The following SMYD3 variants were observed in gnomAD, a reference collection of about 807,000 sequenced individuals.
SMYD3 encodes the protein histone-lysine N-methyltransferase SMYD3.
Under a neutral mutation model 57.7 loss-of-function variants are expected in SMYD3, and 36 were observed. The ratio of observed to expected loss-of-function variants is 0.62; its 90% CI spans 0.48 to 0.82. The LOEUF is 0.82. Among genes scored for constraint, SMYD3 ranks in the 40% least tolerant of loss-of-function variants. SMYD3 has a pLI of 0.00. For synonymous variants in SMYD3, 211 were observed against 195.0 expected, an observed-to-expected ratio of 1.08 and a Z score of -0.68; for missense variants, 515 against 538.8, an observed-to-expected ratio of 0.96 and a Z score of 0.44.
intron 5 of SMYD3, among the ~76,000 whole-genome samples, chr1:245,960,506 G>A (rs1293297901): frequency 6.6e-6 from 1 of 152,176 alleles, no homozygotes; most frequent in African/African-American, 2.4e-5. Flanking sequence ...TGTAATCCCA[G>A]CACTTAGAAG....
chr1:246,466,872 T>A (rs937953072), intron 1 of SMYD3, among the ~76,000 whole-genome samples: 10 of 150,874 alleles, frequency 6.6e-5, no homozygotes, highest in Admixed American at 2.0e-4. Context: ...TTTTTAAAAT[T>A]TTTTTTTTAA....
chr1:246,102,494 A>C (rs76066595), intron 5 of SMYD3, among the ~76,000 whole-genome samples: 4,929 of 152,012 alleles, frequency 0.032, 281 homozygotes, highest in African/African-American at 0.11. Flanking sequence ...ACAAATTCTC[A>C]CATGCCATAT....
chr1:246,160,833 C>A (rs367845537), intron 5 of SMYD3, among the ~76,000 whole-genome samples: 2 of 152,116 alleles, frequency 1.3e-5, no homozygotes, highest in East Asian at 3.8e-4. Context: ...CAGATCACAT[C>A]CAGGATAAAC....
chr1:245,813,860 C>CTATATA (rs6143718), intron 10 of SMYD3, among the ~76,000 whole-genome samples: 50 of 146,992 alleles, frequency 3.4e-4, no homozygotes, highest in African/African-American at 1.2e-3. Context: ...TCATGGAGCC[C>CTATATA]TATATATATA....
chr1:246,101,857 C>T (rs1397791596), intron 5 of SMYD3, among the ~76,000 whole-genome samples: 1 of 152,224 alleles, frequency 6.6e-6, no homozygotes, highest in Non-Finnish European at 1.5e-5. Context: ...CTGAAAGCAG[C>T]CCAATCTCCT....
chr1:245,894,412 C>A (rs1428772440), intron 8 of SMYD3, among the ~76,000 whole-genome samples: 5 of 152,084 alleles, frequency 3.3e-5, no homozygotes, highest in African/African-American at 1.2e-4. Flanking sequence ...CAGCGGAAAC[C>A]CGCTCAGGTC....
chr1:245,947,639 G>A (rs1040352370), intron 5 of SMYD3, among the ~76,000 whole-genome samples: 2 of 152,186 alleles, frequency 1.3e-5, no homozygotes, highest in African/African-American at 2.4e-5. Flanking sequence ...AGGATTAAAT[G>A]AGAAAATACA....
At chr1:246,292,568 G>A (rs1463900467) in intron 5 of SMYD3, among the ~76,000 whole-genome samples, 6 of 152,158 alleles carry the variant, frequency 3.9e-5, no homozygotes, top group Non-Finnish European at 8.8e-5. Flanking sequence ...ATCACTATAT[G>A]GATAAATATA....
At position 246,010,072 on chromosome 1, in the gene SMYD3, C is replaced by T. The variant is rs543777620; in HGVS notation, c.532-80135G>A. ...CGCCACTGCACTCCAGCCTGTGCAA[C>T]AGAGCAAGACTCCATCTCAAAAAAC... On this transcript the variant is annotated intron_variant, in intron 5 of 11. Coordinates refer to ENST00000490107, the MANE Select transcript of SMYD3 (RefSeq NM_001167740.2). 3.6e-5 allele frequency among the ~76,000 whole-genome samples: 5 copies of T among 140,448 alleles called. No homozygotes were observed. The South Asian group carries it at 1.3e-3, about 35-fold the overall frequency. The allele number at this position is 140,448 out of a possible 152,430, so 92.1% of individuals were successfully genotyped here. A position where few individuals can be genotyped will look rare whatever the true frequency, so the allele number is the denominator to read the frequency against.
In SMYD3 at chr1:246,082,397, C is replaced by T. The variant is rs183323616; in HGVS notation, c.532-152460G>A. Among the ~76,000 whole-genome samples, 117 of 152,260 alleles carry T rather than the reference C, an allele frequency of 7.7e-4. 1 individual carries two copies. Among genetic ancestry groups the T allele is most frequent in the Non-Finnish European group, 1.6e-3 (109 of 68,028 alleles). On this transcript the variant is annotated intron_variant, in intron 5 of 11. Transcript: ENST00000490107. ...GACGTTAGCATGCTGGCAACCAACT[C>T]ACCCCCCTGGACCTGTGACTTATGA...
At chr1:245,913,954 C>A (rs576955485) in intron 8 of SMYD3, among the ~76,000 whole-genome samples, 1 of 151,560 alleles carries the variant, frequency 6.6e-6, no homozygotes, top group South Asian at 2.1e-4. Context: ...TCAAAAAGAC[C>A]AAAAAAAATA....
chr1:246,250,957 T>A (rs1371467037), intron 5 of SMYD3, among the ~76,000 whole-genome samples: 7 of 152,340 alleles, frequency 4.6e-5, no homozygotes, highest in Non-Finnish European at 7.3e-5. Context: ...CAGATGCTAT[T>A]TTTTCTGTAA....
chr1:246,243,167 A>G (rs2063644434), intron 5 of SMYD3, among the ~76,000 whole-genome samples: 1 of 152,110 alleles, frequency 6.6e-6, no homozygotes, highest in Non-Finnish European at 1.5e-5. Flanking sequence ...TCAGCACCAC[A>G]TCGCACTTAT....
At chr1:245,908,251 GA>G (rs1165575568) in intron 8 of SMYD3, among the ~76,000 whole-genome samples, 3 of 67,608 alleles carry the variant, frequency 4.4e-5, no homozygotes, top group Non-Finnish European at 8.6e-5. Context: ...AACAAAGAGA[GA>G]CACAAAAGGT....
intron 5 of SMYD3, among the ~76,000 whole-genome samples, chr1:246,065,761 ACTTGACAGACATTC>A (rs1285411946): frequency 2.0e-5 from 3 of 152,182 alleles, no homozygotes; most frequent in Admixed American, 1.3e-4. Flanking sequence ...TTCTACCCCT[ACTTGACAGACATTC>A]CTTGACAACC....
chr1:246,173,833 G>T (rs563374301), intron 5 of SMYD3, among the ~76,000 whole-genome samples: 7 of 152,168 alleles, frequency 4.6e-5, no homozygotes, highest in African/African-American at 1.7e-4. Flanking sequence ...CTGAGACAGG[G>T]TCTTGCTTTC....
At chr1:246,257,452 G>A (rs1324717128) in intron 5 of SMYD3, among the ~76,000 whole-genome samples, 3 of 152,090 alleles carry the variant, frequency 2.0e-5, no homozygotes, top group Admixed American at 2.0e-4. Context: ...TGTTTTATCT[G>A]ATGTAAGAAT....
intron 5 of SMYD3, among the ~76,000 whole-genome samples, chr1:246,302,050 C>T (rs1260190341): frequency 6.6e-6 from 1 of 152,132 alleles, no homozygotes; most frequent in African/African-American, 2.4e-5. Context: ...TACCGCGTTT[C>T]CCTGGTTATA....
At chr1:246,274,364 A>T (rs1263333014) in intron 5 of SMYD3, among the ~76,000 whole-genome samples, 2 of 152,142 alleles carry the variant, frequency 1.3e-5, no homozygotes, top group Non-Finnish European at 2.9e-5. Context: ...GCTTCTCACA[A>T]TGCCTGATTT....
Sources: allele counts gnomAD v4.1 joint callset (sites outside exome capture counted in the v4.1 genomes callset), GRCh38; gene constraint gnomAD v4.1.1; transcripts MANE v1.5; gene names NCBI Gene and HGNC (gene_info 2026-07-23, HGNC 2026-07-21).